TNRC6B: variants seen among roughly 807,000 people sequenced by gnomAD.
TNRC6B encodes trinucleotide repeat containing adaptor 6B, also known as trinucleotide repeat-containing gene 6B protein.
TNRC6B carries 52 observed loss-of-function variants against 203.6 expected under a neutral mutation model. The ratio of observed to expected loss-of-function variants is 0.26; its 90% CI spans 0.20 to 0.32. The LOEUF (loss-of-function observed/expected upper bound fraction) is 0.32. Ranked by LOEUF, TNRC6B falls within the 10% of genes least tolerant of loss-of-function variation. TNRC6B has a pLI of 1.00. For synonymous variants in TNRC6B, 838 were observed against 845.7 expected (o/e 0.99, Z 0.16); for missense variants, 1,923 against 2,286.2 (o/e 0.84, Z 3.24).
At chr22:40,313,744 C>G (rs958947353) in intron 19 of TNRC6B, among the ~76,000 whole-genome samples, 4 of 152,210 alleles carry the variant, frequency 2.6e-5, no homozygotes, top group Admixed American at 2.6e-4. Context: ...GTTCTCCTTC[C>G]CACCTCTCTG....
At chr22:40,220,030 G>A (rs997789416) in intron 1 of TNRC6B, among the ~76,000 whole-genome samples, 24 of 152,180 alleles carry the variant, frequency 1.6e-4, no homozygotes, top group Admixed American at 2.0e-4. Context: ...CATACAGATC[G>A]TTTGTAAACT....
At chr22:40,059,206 C>T (rs62236797) in intron 1 of TNRC6B, among the ~76,000 whole-genome samples, 1 of 152,122 alleles carries the variant, frequency 6.6e-6, no homozygotes, top group Non-Finnish European at 1.5e-5. Flanking sequence ...TTCATTGTCC[C>T]CCTTACTCTC....
chr22:40,184,463 C>A (rs2146384941), intron 1 of TNRC6B, among the ~76,000 whole-genome samples: 1 of 152,260 alleles, frequency 6.6e-6, no homozygotes, highest in East Asian at 1.9e-4. Context: ...GAGAGGTAAG[C>A]TGAAAAACTA....
At chr22:40,195,703 C>T (rs2069328277) in intron 1 of TNRC6B, among the ~76,000 whole-genome samples, 1 of 152,230 alleles carries the variant, frequency 6.6e-6, no homozygotes, top group Admixed American at 6.5e-5. Flanking sequence ...ATCCTCCTGC[C>T]TTTGCCTCCC....
chr22:40,318,758 G>A (rs1024844934), intron 21 of TNRC6B, among the ~76,000 whole-genome samples: 6 of 152,066 alleles, frequency 3.9e-5, no homozygotes, highest in African/African-American at 1.4e-4. Flanking sequence ...CCAATCGGCT[G>A]TTCACTTGTT....
At chr22:40,046,799 C>T (rs1458882041) in intron 1 of TNRC6B, among the ~76,000 whole-genome samples, 1 of 151,986 alleles carries the variant, frequency 6.6e-6, no homozygotes. Flanking sequence ...CGCCCGCCAC[C>T]ACGCCCGGCT....
chr22:40,152,915 A>G (rs367896914), intron 3 of TNRC6B, among the ~76,000 whole-genome samples: 3 of 151,982 alleles, frequency 2.0e-5, no homozygotes, highest in East Asian at 3.9e-4. Context: ...AGCCTGGCCA[A>G]CATGGTGAAC....
chr22:40,133,919 G>A (rs1223771294), intron 3 of TNRC6B, among the ~76,000 whole-genome samples: 1 of 136,774 alleles, frequency 7.3e-6, no homozygotes. Flanking sequence ...GTGGTGAGCC[G>A]AGACCGTGAC....
intron 1 of TNRC6B, among the ~76,000 whole-genome samples, chr22:40,116,312 C>T (rs965870219): frequency 6.6e-6 from 1 of 152,212 alleles, no homozygotes; most frequent in African/African-American, 2.4e-5. Context: ...ACATAGGTAG[C>T]TCCAACCTTG....
rs560153868 is a variant in TNRC6B, at chr22:40,324,187, G to A, written c.*946G>A. On this transcript the variant is annotated 3_prime_UTR_variant, in exon 23 of 23. Transcript: ENST00000454349. ...ATTTGCAACTTAGCCTGAATGTGGG[G>A]TTTCTCTGGCTGTTCTTTTGACCTA... The A allele has an allele frequency of 6.6e-6, 1 of 152,616 alleles. No homozygotes were observed. Among genetic ancestry groups the A allele is most frequent in the South Asian group, 2.1e-4 (1 of 4,820 alleles). 9.5% of individuals were successfully genotyped at this position (152,616 alleles called of 1,614,324 possible).
intron 1 of TNRC6B, among the ~76,000 whole-genome samples, chr22:40,114,575 G>C (rs1401858988): frequency 6.6e-6 from 1 of 152,028 alleles, no homozygotes; most frequent in Non-Finnish European, 1.5e-5. Flanking sequence ...CTCCTGCCTC[G>C]GCCTCTCAAA....
chr22:40,124,105 TC>T (rs1256966893), intron 2 of TNRC6B, among the ~76,000 whole-genome samples: 1 of 152,132 alleles, frequency 6.6e-6, no homozygotes, highest in Non-Finnish European at 1.5e-5. Context: ...ATGCATTTGT[TC>T]CCAACAAGAC....
rs1389811083 is a variant in TNRC6B, at chr22:40,335,680, TTTA to T, written c.*12442_*12444del. 1 of 151,622 alleles carries T rather than the reference TTTA, an allele frequency of 6.6e-6. No homozygotes were observed. Among genetic ancestry groups the T allele is most frequent in the African/African-American group, 2.4e-5 (1 of 41,316 alleles). The allele number at this position is 151,622 out of a possible 1,614,324, so 9.4% of individuals were successfully genotyped here. A position where few individuals can be genotyped will look rare whatever the true frequency, so the allele number is the denominator to read the frequency against. On this transcript the variant is annotated 3_prime_UTR_variant, in exon 23 of 23. Coordinates refer to ENST00000454349, the MANE Select transcript of TNRC6B (RefSeq NM_001162501.2). ...TTTTGTTTTTGTTTAGTTTTTTTAT[TTTA>T]TTTTATTTTGGAAAGATATGATTGT...
intron 1 of TNRC6B, among the ~76,000 whole-genome samples, chr22:40,218,418 C>G (rs2069666102): frequency 1.3e-5 from 2 of 148,476 alleles, no homozygotes; most frequent in South Asian, 4.2e-4. Flanking sequence ...CCTCGACCTC[C>G]TGGGCTCAGG....
intron 1 of TNRC6B, among the ~76,000 whole-genome samples, chr22:40,114,223 T>C (rs532173350): frequency 9.2e-5 from 14 of 152,348 alleles, no homozygotes; most frequent in African/African-American, 3.4e-4. Flanking sequence ...TTGTTGAATA[T>C]GTATTTCTTT....
At chr22:40,100,835 G>A (rs1328026916) in intron 1 of TNRC6B, among the ~76,000 whole-genome samples, 1 of 152,178 alleles carries the variant, frequency 6.6e-6, no homozygotes, top group African/African-American at 2.4e-5. Context: ...GCACTGTAGA[G>A]GGTTGTGGTA....
intron 1 of TNRC6B, among the ~76,000 whole-genome samples, chr22:40,202,260 G>GTTTTTGTTTTTTTTTTTTTT (rs761983025): frequency 3.9e-5 from 5 of 129,766 alleles, no homozygotes; most frequent in African/African-American, 1.1e-4. Context: ...TTGTTTTTTT[G>GTTTTTGTTTTTTTTTTTTTT]TTTTTTTTTT....
intron 12 of TNRC6B, 38 bp downstream of exon 12, chr22:40,285,808 A>G (rs775857793): frequency 3.7e-6 from 6 of 1,609,806 alleles, no homozygotes; most frequent in Non-Finnish European, 5.1e-6. Context: ...AAAATGAAAG[A>G]CCATTTCACA....
At chr22:40,283,976 A>T (rs528476608) in intron 11 of TNRC6B, among the ~76,000 whole-genome samples, 1 of 152,240 alleles carries the variant, frequency 6.6e-6, no homozygotes, top group African/African-American at 2.4e-5. Context: ...CATTACTTTG[A>T]TGATAAAGTG....
Sources: allele counts gnomAD v4.1 joint callset (sites outside exome capture counted in the v4.1 genomes callset), GRCh38; gene constraint gnomAD v4.1.1; transcripts MANE v1.5; gene names NCBI Gene and HGNC (gene_info 2026-07-23, HGNC 2026-07-21).